The following GLCCI1 variants were observed in gnomAD, a reference collection of about 807,000 sequenced individuals.
GLCCI1 encodes glucocorticoid induced 1.
Under a neutral mutation model 52.2 loss-of-function variants are expected in GLCCI1, and 24 were observed. That is an observed-to-expected ratio of 0.46 (90% confidence interval 0.33 to 0.65). The LOEUF is 0.65. Ranked by LOEUF, GLCCI1 falls within the 30% of genes least tolerant of loss-of-function variation. GLCCI1 has a pLI of 0.02. For synonymous variants in GLCCI1, 310 were observed against 276.5 expected, an observed-to-expected ratio of 1.12 and a Z score of -1.20; for missense variants, 704 against 701.5, an observed-to-expected ratio of 1.00 and a Z score of -0.04.
chr7:8,060,221 A>G lies in GLCCI1; in HGVS notation c.939A>G (p.Glu313=). ...AATTAGAAAAGGTATTCATTAAAGA[A>G]AATAATGGGAAGGAAGAAGTATCCA... ...SPELEKVFIK[E]NNGKEEVSKP... Residue 313 remains glutamate, a synonymous_variant, in exon 5 of 8, where the codon GAA becomes GAG. Coordinates refer to ENST00000223145, the MANE Select transcript of GLCCI1 (RefSeq NM_138426.4). 1 of 1,611,824 alleles carries G rather than the reference A, an allele frequency of 6.2e-7. No individual in the cohort carries two copies. Among genetic ancestry groups the G allele is most frequent in the Non-Finnish European group, 8.5e-7 (1 of 1,178,120 alleles).
chr7:8,050,428 T>C (rs1453541502), intron 3 of GLCCI1, among the ~76,000 whole-genome samples: 3 of 152,146 alleles, frequency 2.0e-5, no homozygotes, highest in African/African-American at 7.2e-5. Context: ...ATATAAAATT[T>C]ATATGTAGAG....
chr7:8,033,455 G>A (rs1781801023), intron 3 of GLCCI1, among the ~76,000 whole-genome samples: 1 of 152,032 alleles, frequency 6.6e-6, no homozygotes, highest in Non-Finnish European at 1.5e-5. Flanking sequence ...AAAGGAAGCA[G>A]TGCAACTTCC....
At chr7:8,056,284 C>T (rs569859513) in intron 4 of GLCCI1, among the ~76,000 whole-genome samples, 6 of 152,078 alleles carry the variant, frequency 3.9e-5, no homozygotes, top group African/African-American at 9.7e-5. Context: ...GGTGACAGAG[C>T]GAGAATCCAT....
intron 2 of GLCCI1, among the ~76,000 whole-genome samples, chr7:8,011,111 T>C (rs542342095): frequency 6.6e-6 from 1 of 151,538 alleles, no homozygotes; most frequent in East Asian, 1.9e-4. Flanking sequence ...AGAGTGAGAC[T>C]CTGTCTCCTC....
rs756395560 is a variant in GLCCI1 at position 8,060,078 on chromosome 7, C to T, written c.814-18C>T. On this transcript the variant is annotated intron_variant, in intron 4 of 7. Coordinates refer to ENST00000223145, the MANE Select transcript of GLCCI1 (RefSeq NM_138426.4). ...TTGACCACAAATAATTTGATACCAC[C>T]TTTATCTTATCTCATAGGCTACTGG... 3 of 1,598,644 alleles carry T rather than the reference C, an allele frequency of 1.9e-6. No homozygotes were observed. The highest frequency in any genetic ancestry group is 2.6e-6 in the Non-Finnish European group (3 of 1,174,278).
In GLCCI1 at chr7:7,999,661, T is replaced by C. The variant is rs142915808; in HGVS notation, c.458-4247T>C. Among the ~76,000 whole-genome samples the C allele has an allele frequency of 9.1e-3, 1,375 of 151,554 alleles. 10 individuals are homozygous for C. Among genetic ancestry groups the C allele is most frequent in the Admixed American group, 0.013 (205 of 15,224 alleles). ...GGCTTATACCTGTATTCCTAGTATT[T>C]TGGGAGGCCAAGGTGGGAGGATCGC... On this transcript the variant is annotated intron_variant, in intron 1 of 7. Transcript: ENST00000223145.
At chr7:8,014,114 C>T (rs61351831) in intron 2 of GLCCI1, among the ~76,000 whole-genome samples, 6,227 of 152,080 alleles carry the variant, frequency 0.041, 257 homozygotes, top group East Asian at 0.19. Context: ...CTTAGCCTCC[C>T]GAGTAGCTGG....
chr7:8,013,368 T>C (rs545748478), intron 2 of GLCCI1, among the ~76,000 whole-genome samples: 42 of 152,054 alleles, frequency 2.8e-4, no homozygotes, highest in African/African-American at 9.9e-4. Context: ...ATTTGAGATA[T>C]TGTTATATCA....
intron 1 of GLCCI1, among the ~76,000 whole-genome samples, chr7:8,000,243 G>A (rs1781025972): frequency 6.6e-6 from 1 of 152,264 alleles, no homozygotes; most frequent in South Asian, 2.1e-4. Flanking sequence ...ATCAGATAAT[G>A]GGAGATGTTA....
chr7:8,012,006 G>A lies in GLCCI1; in HGVS notation c.609+7947G>A, dbSNP rs551231001. On this transcript the variant is annotated intron_variant, in intron 2 of 7. Transcript: ENST00000223145. ...AATTTTTTGTATTTTTAGTAGAGAC[G>A]GGGTTTCACTGTGTTAGCCAGGATG... 1.6e-4 allele frequency among the ~76,000 whole-genome samples: 25 copies of A among 151,930 alleles called. 1 individual carries two copies. Among genetic ancestry groups the A allele is most frequent in the South Asian group, 8.3e-4 (4 of 4,802 alleles).
chr7:8,043,895 T>C (rs1247888870), intron 3 of GLCCI1, among the ~76,000 whole-genome samples: 1 of 151,942 alleles, frequency 6.6e-6, no homozygotes, highest in Non-Finnish European at 1.5e-5. Context: ...ATGTCAAGAA[T>C]TATAATGTGA....
intron 2 of GLCCI1, among the ~76,000 whole-genome samples, chr7:8,008,156 G>A (rs557598861): frequency 1.3e-5 from 2 of 152,138 alleles, no homozygotes; most frequent in South Asian, 4.1e-4. Flanking sequence ...TCATTATGAT[G>A]TATAGTAGAT....
intron 6 of GLCCI1, among the ~76,000 whole-genome samples, chr7:8,080,922 C>G (rs1332882148): frequency 6.6e-6 from 1 of 151,194 alleles, no homozygotes; most frequent in East Asian, 1.9e-4. Flanking sequence ...GATCCTCCCG[C>G]CTCAGCCTCC....
chr7:8,056,648 G>GAAAT (rs1023440276), intron 4 of GLCCI1, among the ~76,000 whole-genome samples: 3 of 152,108 alleles, frequency 2.0e-5, no homozygotes, highest in Admixed American at 1.3e-4. Flanking sequence ...TCAACATTGG[G>GAAAT]AAATATGTTA....
At chr7:8,010,708 A>G (rs1010304862) in intron 2 of GLCCI1, among the ~76,000 whole-genome samples, 2 of 152,212 alleles carry the variant, frequency 1.3e-5, no homozygotes, top group African/African-American at 4.8e-5. Flanking sequence ...CATGAATAGT[A>G]GCCACTAACT....
At chr7:8,029,090 A>T (rs1012826340) in intron 3 of GLCCI1, among the ~76,000 whole-genome samples, 1 of 152,202 alleles carries the variant, frequency 6.6e-6, no homozygotes, top group South Asian at 2.1e-4. Context: ...AATACTTTCA[A>T]ACTCATTCTA....
chr7:8,020,929 T>C (rs149637303), intron 2 of GLCCI1, among the ~76,000 whole-genome samples: 2 of 152,308 alleles, frequency 1.3e-5, no homozygotes, highest in African/African-American at 4.8e-5. Flanking sequence ...GGACGGAACA[T>C]AGGAAATTCT....
At chr7:8,072,109 C>T (rs892574779) in intron 6 of GLCCI1, among the ~76,000 whole-genome samples, 6 of 152,180 alleles carry the variant, frequency 3.9e-5, no homozygotes, top group African/African-American at 1.4e-4. Context: ...TCCCACAAGG[C>T]TCCCTTGCGC....
At chr7:8,005,999 T>C (rs1187638953) in intron 2 of GLCCI1, among the ~76,000 whole-genome samples, 1 of 152,132 alleles carries the variant, frequency 6.6e-6, no homozygotes, top group African/African-American at 2.4e-5. Context: ...GGTTTCACCA[T>C]GTTAGTCAAG....
Sources: allele counts gnomAD v4.1 joint callset (sites outside exome capture counted in the v4.1 genomes callset), GRCh38; gene constraint gnomAD v4.1.1; transcripts MANE v1.5; gene names NCBI Gene and HGNC (gene_info 2026-07-23, HGNC 2026-07-21).